RELN: variants seen among roughly 807,000 people sequenced by gnomAD.
The protein encoded by RELN is reelin.
Under a neutral mutation model 427.6 loss-of-function variants are expected in RELN, and 108 were observed. The ratio of observed to expected loss-of-function variants is 0.25; its 90% confidence interval spans 0.22 to 0.30. RELN has a LOEUF of 0.30. Among genes scored for constraint, RELN ranks in the 10% least tolerant of loss-of-function variants. The pLI is 1.00. For synonymous variants in RELN, 1,524 were observed against 1,513.4 expected (o/e 1.01, Z -0.16); for missense variants, 3,715 against 4,302.8 (o/e 0.86, Z 3.82).
At chr7:103,570,280 T>C (rs1830852465) in intron 31 of RELN, among the ~76,000 whole-genome samples, 2 of 152,234 alleles carry the variant, frequency 1.3e-5, no homozygotes, top group Admixed American at 1.3e-4. Context: ...CTTTCTTTTC[T>C]ACCTTGCTCA....
intron 3 of RELN, among the ~76,000 whole-genome samples, chr7:103,790,012 G>C (rs1239793597): frequency 6.6e-6 from 1 of 152,148 alleles, no homozygotes; most frequent in African/African-American, 2.4e-5. Context: ...CCATAAAAAA[G>C]AATGAGTTCA....
chr7:103,773,108 C>CTTTCTTTCTTTT (rs1791614193), intron 4 of RELN, among the ~76,000 whole-genome samples: 1 of 36,208 alleles, frequency 2.8e-5, no homozygotes, highest in Non-Finnish European at 6.8e-5. Flanking sequence ...TCTTTTCTTT[C>CTTTCTTTCTTTT]TTTCTTTCTT....
chr7:103,976,572 G>T (rs2116832030), intron 1 of RELN, among the ~76,000 whole-genome samples: 1 of 152,306 alleles, frequency 6.6e-6, no homozygotes, highest in East Asian at 1.9e-4. Context: ...TAGGAACGGA[G>T]TTGGCCTTAA....
At chr7:103,570,033 T>A (rs1423647328) in intron 31 of RELN, among the ~76,000 whole-genome samples, 1 of 152,222 alleles carries the variant, frequency 6.6e-6, no homozygotes, top group African/African-American at 2.4e-5. Flanking sequence ...TTCAAGGATT[T>A]AAGCAGATTT....
chr7:103,877,598 G>A (rs1460131797), intron 2 of RELN, among the ~76,000 whole-genome samples: 2 of 151,994 alleles, frequency 1.3e-5, no homozygotes, highest in Non-Finnish European at 2.9e-5. Context: ...CAATTCTCCA[G>A]ATTTTTCTAA....
At chr7:103,909,561 T>G (rs951439414) in intron 2 of RELN, among the ~76,000 whole-genome samples, 2 of 142,416 alleles carry the variant, frequency 1.4e-5, no homozygotes, top group Non-Finnish European at 3.0e-5. Context: ...GAGCTCAGAT[T>G]GCGCCACTGC....
At chr7:103,727,359 G>C (rs1042900358) in intron 7 of RELN, among the ~76,000 whole-genome samples, 2 of 152,066 alleles carry the variant, frequency 1.3e-5, no homozygotes, top group Non-Finnish European at 2.9e-5. Flanking sequence ...TAGGGACAAA[G>C]GAATTGAGAC....
At chr7:103,572,845 A>G (rs1343346654) in intron 30 of RELN, among the ~76,000 whole-genome samples, 2 of 152,210 alleles carry the variant, frequency 1.3e-5, no homozygotes, top group Non-Finnish European at 2.9e-5. Flanking sequence ...GAAACTCAAG[A>G]TGAAGATTTT....
At chr7:103,705,780 CT>C (rs1834185497) in intron 8 of RELN, among the ~76,000 whole-genome samples, 1 of 152,160 alleles carries the variant, frequency 6.6e-6, no homozygotes, top group Non-Finnish European at 1.5e-5. Context: ...GTCACTTACG[CT>C]TTCTGTGTCC....
intron 20 of RELN, among the ~76,000 whole-genome samples, chr7:103,612,442 A>G (rs1267349813): frequency 6.6e-6 from 1 of 151,688 alleles, no homozygotes; most frequent in Non-Finnish European, 1.5e-5. Context: ...TGCCCGGCTA[A>G]TTTTGTATTT....
intron 57 of RELN, among the ~76,000 whole-genome samples, chr7:103,495,022 G>A (rs1174328663): frequency 6.6e-6 from 1 of 152,088 alleles, no homozygotes; most frequent in Non-Finnish European, 1.5e-5. Context: ...ACAGAGTAGA[G>A]ATAGAAGTAG....
In RELN at chr7:103,603,466, A is replaced by T; in HGVS notation, c.3171T>A (p.Thr1057=). ...GAAGGGCAGCTTCTGGGTGGCATTC[A>T]GTGCCTTGGTACCCCTGGTCACACC... is the stretch of plus-strand genomic sequence containing the variant. The part of the protein sequence containing the change: ...ICRCDQGYQG[T]ECHPEAALPS... Residue 1057 remains threonine (T), a synonymous_variant, in exon 24 of 65, where the codon ACT becomes ACA. Transcript: ENST00000428762. The surrounding 1 kb of genome is among the most constrained non-coding windows in gnomAD (Gnocchi z 4.3). 1 of 1,613,910 alleles carries T rather than the reference A, an allele frequency of 6.2e-7. No individual in the cohort carries two copies. The highest frequency in any genetic ancestry group is 8.5e-7 in the Non-Finnish European group (1 of 1,179,852).
Position 103,522,144 on chromosome 7 carries a change from T to G in RELN, c.7546A>C (p.Thr2516Pro). 1 of 1,613,990 alleles carries G rather than the reference T, an allele frequency of 6.2e-7. No individual in the cohort carries two copies. Among genetic ancestry groups the G allele is most frequent in the Non-Finnish European group, 8.5e-7 (1 of 1,179,996 alleles). Residue 2516 changes from threonine to proline, a missense_variant, in exon 48 of 65, where the codon ACC becomes CCC. Coordinates refer to ENST00000428762, the MANE Select transcript of RELN (RefSeq NM_005045.4). Reference protein sequence around the residue: ...YCDDPETSLPTQLKDNFNRAP... With the variant: ...YCDDPETSLPPQLKDNFNRAP... ...CGATTGAAGTTGTCTTTGAGTTGGG[T>G]TGGAAGAGAGGTCTCGGGGTCATCA...
chr7:103,523,384 G>T lies in RELN; in HGVS notation c.7490+7C>A. 1 of 1,613,966 alleles carries T rather than the reference G, an allele frequency of 6.2e-7. No individual in the cohort carries two copies. ...TTTCAACAGAAGGAAGAAAAAAACC[G>T]ACTTACACGCAGTTTCCCTGGATGC... On this transcript the variant is annotated splice_region_variant and intron_variant, in intron 47 of 64. Coordinates refer to ENST00000428762, the MANE Select transcript of RELN (RefSeq NM_005045.4).
Position 103,629,890 on chromosome 7 carries a change from G to A in RELN, c.2702+50C>T, listed in dbSNP as rs748404026. On this transcript the variant is annotated intron_variant, in intron 20 of 64. Coordinates refer to ENST00000428762, the MANE Select transcript of RELN (RefSeq NM_005045.4). ...GAATAGACTGGAAGATCATCCTCAT[G>A]TTCTAATTCCTAGTGCAAATTGTAA... 48 of 1,130,632 alleles carry A rather than the reference G, an allele frequency of 4.2e-5. 1 individual carries two copies. In the Middle Eastern group the frequency reaches 4.7e-3, roughly 110 times the overall value. The allele number at this position is 1,130,632 out of a possible 1,614,324, so 70.0% of individuals were successfully genotyped here.
At chr7:103,707,809 C>CT (rs774739803) in intron 8 of RELN, among the ~76,000 whole-genome samples, 12 of 152,158 alleles carry the variant, frequency 7.9e-5, no homozygotes, top group East Asian at 1.9e-4. Flanking sequence ...AAATCTATTT[C>CT]TTTTTTTACA....
intron 2 of RELN, among the ~76,000 whole-genome samples, chr7:103,907,782 A>T (rs1209554043): frequency 1.2e-5 from 1 of 85,334 alleles, no homozygotes; most frequent in Non-Finnish European, 2.6e-5. Flanking sequence ...TTCTTTTTTA[A>T]AAAAAAACTT....
chr7:103,797,080 T>C (rs540713738), intron 3 of RELN, among the ~76,000 whole-genome samples: 25 of 152,202 alleles, frequency 1.6e-4, no homozygotes, highest in African/African-American at 5.8e-4. Flanking sequence ...GGAGTCATTT[T>C]ATTTTATTTA....
chr7:103,689,222 T>C (rs1345542763), intron 10 of RELN, among the ~76,000 whole-genome samples: 4 of 152,076 alleles, frequency 2.6e-5, no homozygotes, highest in African/African-American at 9.7e-5. Flanking sequence ...TAATCTGGAA[T>C]TCTTTGCTAT....
Sources: gnomAD v4.1 joint callset for allele counts (sites outside exome capture counted in the v4.1 genomes callset) on GRCh38, gnomAD v4.1.1 for gene constraint, Gnocchi (gnomAD v3.1) non-coding constraint, MANE v1.5 for transcripts, NCBI Gene and HGNC (gene_info 2026-07-23, HGNC 2026-07-21) for gene names.